The following ANKRD62 variants were observed in gnomAD, a reference collection of about 807,000 sequenced individuals.
ANKRD62 encodes ankyrin repeat domain 62.
A neutral mutation model predicts 98.8 loss-of-function variants in ANKRD62; 61 were observed. The ratio of observed to expected loss-of-function variants is 0.62; its 90% CI spans 0.50 to 0.76. The LOEUF is 0.76. Among genes scored for constraint, ANKRD62 ranks in the 30% least tolerant of loss-of-function variants. The pLI is 0.00. For missense variants in ANKRD62, 933 were observed against 1,082.9 expected (o/e 0.86, Z 1.94); for synonymous variants, 341 against 367.9 (o/e 0.93, Z 0.84).
intron 6 of ANKRD62, chr18:12,102,548 G>A (rs1037919646): frequency 1.5e-5 from 5 of 322,968 alleles, no homozygotes; most frequent in Non-Finnish European, 2.2e-5. Flanking sequence ...ACATAAACTC[G>A]CTTTTGAAAC....
At chr18:12,179,108 T>G in the ANKRD62 span, among the ~76,000 whole-genome samples, 3 of 150,930 alleles carry the variant, frequency 2.0e-5, no homozygotes, top group Non-Finnish European at 4.4e-5. Context: ...GTGTGGTTTT[T>G]GGCCACATCC....
the ANKRD62 span, among the ~76,000 whole-genome samples, chr18:12,155,936 G>A: frequency 6.6e-6 from 1 of 152,144 alleles, no homozygotes; most frequent in Non-Finnish European, 1.5e-5. Flanking sequence ...ATTTCATGAT[G>A]AAATGTGATC....
At chr18:12,157,972 G>A in the ANKRD62 span, among the ~76,000 whole-genome samples, 2 of 152,330 alleles carry the variant, frequency 1.3e-5, no homozygotes, top group East Asian at 1.9e-4. Context: ...CAGGGAGGCT[G>A]TATTTTGGGG....
intron 5 of ANKRD62, among the ~76,000 whole-genome samples, chr18:12,098,102 C>G (rs1909220835): frequency 6.6e-6 from 1 of 152,166 alleles, no homozygotes; most frequent in African/African-American, 2.4e-5. Flanking sequence ...AGGAAGATAT[C>G]AAAGTTTTTT....
In ANKRD62 at chr18:12,126,125, G is replaced by A. The variant is rs116697244; in HGVS notation, c.2304G>A (p.Lys768=). 3.9e-3 allele frequency: 5,947 copies of A among 1,536,078 alleles called. 177 individuals are homozygous for A. In the African/African-American group the frequency reaches 0.066, roughly 17 times the overall value. The change falls in exon 13 of 14, where the codon AAG becomes AAA. Residue 768 remains lysine, a synonymous_variant. Transcript: ENST00000587848. ...DQPILEKYVR[K]QQSVEDGLFQ... ...CTATTTTGGAAAAATACGTGAGAAA[G>A]CAGCAATCTGTAGAGGATGGACTAT...
intron 10 of ANKRD62, among the ~76,000 whole-genome samples, chr18:12,121,645 A>G (rs552370976): frequency 7.2e-4 from 110 of 152,138 alleles, no homozygotes; most frequent in Non-Finnish European, 1.4e-3. Context: ...CAGGGAATCT[A>G]TGTCAGATTT....
chr18:12,108,526 A>G (rs1410352965), intron 8 of ANKRD62, among the ~76,000 whole-genome samples: 1 of 152,174 alleles, frequency 6.6e-6, no homozygotes, highest in African/African-American at 2.4e-5. Context: ...ATTTGAGATG[A>G]GATTTTGGTG....
intron 11 of ANKRD62, 89 bp downstream of exon 11, chr18:12,122,605 G>C: frequency 9.1e-7 from 1 of 1,103,422 alleles, no homozygotes. Flanking sequence ...TTACCTTCTA[G>C]GGTTTAATAG....
At chr18:12,158,514 AATTTTTTATTTTT>A in the ANKRD62 span, among the ~76,000 whole-genome samples, 2 of 146,274 alleles carry the variant, frequency 1.4e-5, no homozygotes, top group African/African-American at 5.1e-5. Context: ...TTGCTTTAGA[AATTTTTTATTTTT>A]ATTTTTTATT....
the ANKRD62 span, among the ~76,000 whole-genome samples, chr18:12,156,059 T>TTCTC: frequency 1.3e-5 from 2 of 149,478 alleles, no homozygotes; most frequent in African/African-American, 2.5e-5. Flanking sequence ...CTCTCTCTCT[T>TTCTC]TCTCTCTCTC....
At chr18:12,121,776 GA>G (rs1402464870) in intron 10 of ANKRD62, among the ~76,000 whole-genome samples, 1 of 152,148 alleles carries the variant, frequency 6.6e-6, no homozygotes, top group African/African-American at 2.4e-5. Context: ...CCACTGTGTT[GA>G]AAATCATTGT....
intron 10 of ANKRD62, 75 bp from the exon 11 acceptor site, chr18:12,122,228 T>C: frequency 9.0e-7 from 1 of 1,117,126 alleles, no homozygotes; most frequent in African/African-American, 1.6e-5. Context: ...GAGTGCCATG[T>C]TGAAATGCAT....
chr18:12,150,087 G>GA, the ANKRD62 span, among the ~76,000 whole-genome samples: 39 of 150,664 alleles, frequency 2.6e-4, no homozygotes, highest in African/African-American at 8.0e-4. Context: ...GCCACCATAG[G>GA]AAAAAAAAAC....
chr18:12,127,520 G>A (rs543811821), intron 13 of ANKRD62, among the ~76,000 whole-genome samples: 19 of 152,246 alleles, frequency 1.2e-4, no homozygotes, highest in African/African-American at 4.1e-4. Flanking sequence ...TCATCAGTGC[G>A]CTGAATCTGT....
the ANKRD62 span, among the ~76,000 whole-genome samples, chr18:12,175,387 CTG>C: frequency 6.6e-6 from 1 of 152,104 alleles, no homozygotes; most frequent in African/African-American, 2.4e-5. Context: ...GGGCGGCTGA[CTG>C]CACTCTTGCT....
At chr18:12,097,593 T>C (rs1171234143) in intron 4 of ANKRD62, 47 bp from the exon 5 acceptor site, 1 of 1,496,414 alleles carries the variant, frequency 6.7e-7, no homozygotes, top group African/African-American at 1.4e-5. Context: ...GCTTTTAACA[T>C]AGCTTTGCTA....
rs887277914 is a variant in ANKRD62, at chr18:12,107,384, T to A, written c.981T>A (p.Asp327Glu). Residue 327 changes from aspartate (D) to glutamate (E), a missense_variant, in exon 8 of 14, where the codon GAT becomes GAA. Physicochemically the swap from Asp to Glu is conservative, Grantham distance 45. Around this residue, in one of 3 missense-constraint regions of ANKRD62, gnomAD observed 549 missense variants for 587.9 expected, o/e 0.93. Coordinates refer to ENST00000587848, the MANE Select transcript of ANKRD62 (RefSeq NM_001277333.2). ...ATGACAGTGACAATTATAATGATGA[T>A]GTTGATGAATTAATTCACAAAATAA... ...HADDSDNYND[D>E]VDELIHKIKN... 2.0e-6 allele frequency: 3 copies of A among 1,526,132 alleles called. No homozygotes were observed. The highest frequency in any genetic ancestry group is 2.6e-6 in the Non-Finnish European group (3 of 1,142,340). 94.5% of individuals were successfully genotyped at this position (1,526,132 alleles called of 1,614,324 possible).
rs1315630550 is a variant in ANKRD62, at chr18:12,124,004, A to G, written c.1455-133A>G. ...AATTTATATGTCTTCTTTGGAAGAC[A>G]TCGAAGTGAGAAATTAACATGCAAA... is the stretch of plus-strand genomic sequence containing the variant. On this transcript the variant is annotated intron_variant, in intron 11 of 13. Coordinates refer to ENST00000587848, the MANE Select transcript of ANKRD62 (RefSeq NM_001277333.2). 7 of 482,386 alleles carry G rather than the reference A, an allele frequency of 1.5e-5. No homozygotes were observed. In the East Asian group the frequency reaches 1.8e-4, roughly 13 times the overall value. 29.9% of individuals were successfully genotyped at this position (482,386 alleles called of 1,614,324 possible).
chr18:12,169,317 G>A, the ANKRD62 span, among the ~76,000 whole-genome samples: 1 of 152,134 alleles, frequency 6.6e-6, no homozygotes, highest in Non-Finnish European at 1.5e-5. Flanking sequence ...TCAATACCTA[G>A]TTTATTGAGA....
Sources: allele counts gnomAD v4.1 joint callset (sites outside exome capture counted in the v4.1 genomes callset), GRCh38; gene constraint gnomAD v4.1.1; regional missense constraint gnomAD v4.1.1; transcripts MANE v1.5; gene names NCBI Gene and HGNC (gene_info 2026-07-23, HGNC 2026-07-21).